Variants in PMFBP1 observed in about 807,000 individuals in gnomAD.
The protein encoded by PMFBP1 is polyamine-modulated factor 1-binding protein 1.
Under a neutral mutation model 137.8 loss-of-function variants are expected in PMFBP1, and 131 were observed. The observed-to-expected ratio is 0.95, with a 90% CI of 0.82 to 1.10. PMFBP1 has a LOEUF of 1.10. Ranked by LOEUF, PMFBP1 falls within the 50% of genes least tolerant of loss-of-function variation. The pLI is 0.00. For missense variants in PMFBP1, 1,199 were observed against 1,175.4 expected (o/e 1.02, Z -0.29); for synonymous variants, 490 against 450.4 (o/e 1.09, Z -1.11).
chr16:72,229,377 G>A, the PMFBP1 span, among the ~76,000 whole-genome samples: 2 of 152,152 alleles, frequency 1.3e-5, no homozygotes, highest in South Asian at 4.1e-4. Flanking sequence ...AACCAGTAAC[G>A]AGATTGCTGG....
chr16:72,153,969 C>G (rs1442992787), intron 4 of PMFBP1, among the ~76,000 whole-genome samples: 1 of 150,344 alleles, frequency 6.7e-6, no homozygotes. Context: ...CACATGCCTG[C>G]ACACACACTC....
At position 72,128,438 on chromosome 16, in the gene PMFBP1, C is replaced by T. The variant is rs558276701; in HGVS notation, c.2088+219G>A. 6 of 1,503,114 alleles carry T rather than the reference C, an allele frequency of 4.0e-6. No homozygotes were observed. The Admixed American group carries it at 6.2e-5, about 16-fold the overall frequency. 93.1% of individuals were successfully genotyped at this position (1,503,114 alleles called of 1,614,324 possible). ...AAAGCCCAAATAGCTTGGGGCTCCA[C>T]CAGATATGAGATGAGACCTTCCACA... On this transcript the variant is annotated intron_variant, in intron 14 of 20. Transcript: ENST00000237353.
the PMFBP1 span, among the ~76,000 whole-genome samples, chr16:72,245,837 G>A: frequency 6.6e-6 from 1 of 152,062 alleles, no homozygotes; most frequent in Non-Finnish European, 1.5e-5. Context: ...AACTTCACTT[G>A]AGCTGATATT....
the PMFBP1 span, among the ~76,000 whole-genome samples, chr16:72,213,315 G>C: frequency 6.6e-6 from 1 of 152,098 alleles, no homozygotes; most frequent in Non-Finnish European, 1.5e-5. Flanking sequence ...TTAGTGACTT[G>C]CTTCTAATAC....
At chr16:72,163,859 G>A (rs575312251) in intron 3 of PMFBP1, among the ~76,000 whole-genome samples, 2 of 152,126 alleles carry the variant, frequency 1.3e-5, no homozygotes, top group African/African-American at 4.8e-5. Context: ...CTTATAAGTG[G>A]GAGCTAAGCT....
the PMFBP1 span, among the ~76,000 whole-genome samples, chr16:72,228,525 C>T: frequency 6.6e-6 from 1 of 152,268 alleles, no homozygotes; most frequent in African/African-American, 2.4e-5. Context: ...TCAAGTTCTC[C>T]ATCACTGTGG....
the PMFBP1 span, among the ~76,000 whole-genome samples, chr16:72,182,064 T>A: frequency 1.3e-5 from 2 of 152,234 alleles, no homozygotes; most frequent in Non-Finnish European, 2.9e-5. Context: ...ATGTGGCCCA[T>A]GGGCCGCTGA....
At chr16:72,191,557 C>A in the PMFBP1 span, among the ~76,000 whole-genome samples, 1 of 152,198 alleles carries the variant, frequency 6.6e-6, no homozygotes, top group African/African-American at 2.4e-5. Context: ...TAAAAATAGG[C>A]TATTTTCTCT....
Position 72,130,590 on chromosome 16 carries a change from T to C in PMFBP1, c.1580A>G (p.Glu527Gly), listed in dbSNP as rs200592321. ...GGACTCCTTCTGCAGCATCTGAAGT[T>C]CTCTCTGTAGTTCCTGGATGGTGTC... ...KADTIQELQRELQMLQKESSM... is the reference protein window; with the variant it reads ...KADTIQELQRGLQMLQKESSM... The change falls in exon 11 of 21, where the codon GAA (glutamate) becomes GGA (glycine). Residue 527 changes from glutamate to glycine, a missense_variant. By Grantham distance (98) the Glu-to-Gly change is moderately conservative (BLOSUM62 -2). Transcript: ENST00000237353. 1.6e-5 allele frequency: 26 copies of C among 1,613,978 alleles called. No homozygotes were observed. Among genetic ancestry groups the C allele is most frequent in the Middle Eastern group, 1.6e-4 (1 of 6,062 alleles).
At chr16:72,206,544 G>C in the PMFBP1 span, among the ~76,000 whole-genome samples, 1 of 152,176 alleles carries the variant, frequency 6.6e-6, no homozygotes, top group South Asian at 2.1e-4. Flanking sequence ...CACTTTCTGG[G>C]AAACTCACAA....
the PMFBP1 span, among the ~76,000 whole-genome samples, chr16:72,195,725 G>A: frequency 3.3e-5 from 5 of 152,184 alleles, no homozygotes; most frequent in African/African-American, 1.2e-4. Context: ...ACATTGGAGC[G>A]TTCTCAGGGA....
In PMFBP1 at chr16:72,132,671, A is replaced by C. The variant is rs2042566006; in HGVS notation, c.1447+77T>G. On this transcript the variant is annotated intron_variant, in intron 10 of 20. Coordinates refer to ENST00000237353, the MANE Select transcript of PMFBP1 (RefSeq NM_031293.3). ...AGGGCGAGGGGAAGTGGCCACTGGG[A>C]GAGAGAAGGTGGCTGCTCTAGGGCT... The C allele has an allele frequency of 3.7e-5, 58 of 1,587,954 alleles. 1 individual carries two copies. In the South Asian group the frequency reaches 6.5e-4, roughly 18 times the overall value.
At chr16:72,146,078 G>C (rs561404155) in intron 5 of PMFBP1, among the ~76,000 whole-genome samples, 1 of 152,238 alleles carries the variant, frequency 6.6e-6, no homozygotes, top group South Asian at 2.1e-4. Context: ...CAAAAAAAGA[G>C]AATTTTAGAC....
chr16:72,193,978 G>A, the PMFBP1 span, among the ~76,000 whole-genome samples: 1 of 150,002 alleles, frequency 6.7e-6, no homozygotes, highest in South Asian at 2.1e-4. Flanking sequence ...AATTATCAAG[G>A]CTGCTTTTTT....
the PMFBP1 span, among the ~76,000 whole-genome samples, chr16:72,244,192 TTCAG>T: frequency 6.6e-6 from 1 of 152,008 alleles, no homozygotes; most frequent in Non-Finnish European, 1.5e-5. Flanking sequence ...ATGAAATCGG[TTCAG>T]TCAAATGAAA....
At chr16:72,181,721 C>A (rs1383353169), upstream of PMFBP1, among the ~76,000 whole-genome samples, 4 of 152,112 alleles carry the variant, frequency 2.6e-5, no homozygotes, top group African/African-American at 9.7e-5. Flanking sequence ...CTGAATCTAG[C>A]ATAGAAGCAT....
At chr16:72,174,877 T>C (rs964396154), upstream of PMFBP1, among the ~76,000 whole-genome samples, 7 of 152,182 alleles carry the variant, frequency 4.6e-5, no homozygotes, top group African/African-American at 1.7e-4. Context: ...CAATTCAAGA[T>C]GACACAGCCA....
At chr16:72,158,558 T>C (rs963648030) in intron 3 of PMFBP1, among the ~76,000 whole-genome samples, 1 of 151,978 alleles carries the variant, frequency 6.6e-6, no homozygotes, top group Non-Finnish European at 1.5e-5. Flanking sequence ...CCTGCTTACA[T>C]AGTAAGTTAG....
intron 3 of PMFBP1, among the ~76,000 whole-genome samples, chr16:72,161,154 G>C (rs568566458): frequency 6.9e-6 from 1 of 145,344 alleles, no homozygotes; most frequent in East Asian, 2.1e-4. Flanking sequence ...CTGGAGTGAA[G>C]TGGCATGATC....
Sources: gnomAD v4.1 joint callset for allele counts (sites outside exome capture counted in the v4.1 genomes callset) on GRCh38, gnomAD v4.1.1 for gene constraint, MANE v1.5 for transcripts, NCBI Gene and HGNC (gene_info 2026-07-23, HGNC 2026-07-21) for gene names.